STAP1: variants seen among roughly 807,000 people sequenced by gnomAD.
STAP1 encodes the protein signal-transducing adaptor protein 1.
In STAP1, 30 loss-of-function variants were observed where a neutral mutation model predicts 37.8. That is an observed-to-expected ratio of 0.79 (90% confidence interval 0.59 to 1.08). STAP1 has a LOEUF of 1.08. Ranked by LOEUF, STAP1 falls within the 50% of genes least tolerant of loss-of-function variation. The pLI, the probability that STAP1 is intolerant of heterozygous loss-of-function variation, is 0.00. For synonymous variants in STAP1, 130 were observed against 116.0 expected, an observed-to-expected ratio of 1.12 and a Z score of -0.78; for missense variants, 357 against 349.4, an observed-to-expected ratio of 1.02 and a Z score of -0.17.
chr4:67,590,917 C>T lies in STAP1; in HGVS notation c.693C>T (p.Ser231=), dbSNP rs202213204. The T allele has an allele frequency of 1.3e-4, 207 of 1,612,388 alleles. No individual in the cohort carries two copies. Among genetic ancestry groups the T allele is most frequent in the Non-Finnish European group, 1.5e-4 (180 of 1,179,350 alleles). ...IPRIKHYKVM[S]VGQNYTIELE... ...GAATCAAGCACTACAAAGTGATGAG[C>T]GTAGGACAAAACTACACTATTGAAC... is the stretch of plus-strand genomic sequence containing the variant. Residue 231 remains serine (S), a synonymous_variant, in exon 7 of 9, where the codon AGC becomes AGT. Transcript: ENST00000265404.
At chr4:67,577,676 G>A (rs1727757868) in intron 4 of STAP1, among the ~76,000 whole-genome samples, 2 of 134,316 alleles carry the variant, frequency 1.5e-5, no homozygotes, top group South Asian at 4.7e-4. Flanking sequence ...TTGAGATGAG[G>A]TCTCACTATG....
At chr4:67,575,178 A>G (rs923126781) in intron 2 of STAP1, among the ~76,000 whole-genome samples, 1 of 152,234 alleles carries the variant, frequency 6.6e-6, no homozygotes, top group African/African-American at 2.4e-5. Context: ...TGAAAATTTA[A>G]CAATTGGCTT....
chr4:67,581,587 A>T, intron 5 of STAP1, 116 bp downstream of exon 5: 1 of 1,106,178 alleles, frequency 9.0e-7, no homozygotes, highest in Non-Finnish European at 1.3e-6. Flanking sequence ...AGTCTTGGGG[A>T]TAAACTGTAT....
intron 2 of STAP1, among the ~76,000 whole-genome samples, chr4:67,573,521 G>C (rs1174571261): frequency 6.6e-6 from 1 of 152,128 alleles, no homozygotes; most frequent in African/African-American, 2.4e-5. Flanking sequence ...AAAACTCACT[G>C]AGCTTGATCT....
chr4:67,582,523 G>T (rs1727886887), intron 5 of STAP1, among the ~76,000 whole-genome samples: 1 of 151,856 alleles, frequency 6.6e-6, no homozygotes, highest in African/African-American at 2.4e-5. Flanking sequence ...GCCCAGGCTG[G>T]TCTTGAACTC....
intron 6 of STAP1, among the ~76,000 whole-genome samples, chr4:67,590,391 G>T (rs1206737762): frequency 6.6e-6 from 1 of 152,136 alleles, no homozygotes; most frequent in African/African-American, 2.4e-5. Flanking sequence ...ATCCAGGGTG[G>T]TATATGAGCT....
intron 5 of STAP1, among the ~76,000 whole-genome samples, chr4:67,582,628 T>A (rs1386097643): frequency 9.7e-6 from 1 of 103,280 alleles, no homozygotes; most frequent in Non-Finnish European, 2.4e-5. Context: ...TTTTTTCTAT[T>A]AGTTTTTTTT....
At chr4:67,602,692 C>T (rs1442923475) in intron 8 of STAP1, among the ~76,000 whole-genome samples, 3 of 152,098 alleles carry the variant, frequency 2.0e-5, no homozygotes, top group East Asian at 1.9e-4. Context: ...CCCTTACTTT[C>T]CCCCCAACAA....
Position 67,606,412 on chromosome 4 carries a change from A to G in STAP1, c.*55A>G. 6.7e-7 allele frequency: 1 copy of G among 1,499,262 alleles called. No individual in the cohort carries two copies. Among genetic ancestry groups the G allele is most frequent in the Non-Finnish European group, 9.1e-7 (1 of 1,100,368 alleles). The allele number at this position is 1,499,262 out of a possible 1,614,324, so 92.9% of individuals were successfully genotyped here. A position where few individuals can be genotyped will look rare whatever the true frequency, so the allele number is the denominator to read the frequency against. ...TTGGTAATTTATATTTTCAAAACGA[A>G]GTTCTTACTTTTAAAGAGAATTACC... On this transcript the variant is annotated 3_prime_UTR_variant, in exon 9 of 9. Transcript: ENST00000265404.
intron 2 of STAP1, among the ~76,000 whole-genome samples, chr4:67,572,326 GTT>G (rs1220806823): frequency 7.9e-5 from 12 of 152,208 alleles, no homozygotes; most frequent in African/African-American, 2.7e-4. Flanking sequence ...GAATCCTGAG[GTT>G]AAAACAGTGT....
At chr4:67,563,052 A>G (rs1011604369) in intron 1 of STAP1, among the ~76,000 whole-genome samples, 6 of 152,198 alleles carry the variant, frequency 3.9e-5, no homozygotes, top group Admixed American at 3.3e-4. Flanking sequence ...TATTGGGGAC[A>G]GAGGAAGAGA....
At chr4:67,577,652 T>TC (rs1553901357) in intron 4 of STAP1, among the ~76,000 whole-genome samples, 2,770 of 56,522 alleles carry the variant, frequency 0.049, 49 homozygotes, top group Admixed American at 0.075. Context: ...TCTTTCTTTC[T>TC]TTTTTTTTTT....
chr4:67,600,242 T>C lies in STAP1; in HGVS notation c.827-6054T>C, dbSNP rs371020928. ...TCAAGAAATTTTTAAATTTCCTTTT[T>C]AGTTTATTCATTGACCCACTGGTCA... On this transcript the variant is annotated intron_variant, in intron 8 of 8. Transcript: ENST00000265404. Among the ~76,000 whole-genome samples the C allele has an allele frequency of 2.1e-4, 32 of 152,340 alleles. No individual in the cohort carries two copies. The East Asian group carries it at 5.8e-3, about 28-fold the overall frequency.
intron 6 of STAP1, among the ~76,000 whole-genome samples, chr4:67,584,510 C>A (rs550740606): frequency 6.6e-6 from 1 of 152,144 alleles, no homozygotes; most frequent in African/African-American, 2.4e-5. Flanking sequence ...GAGATGGGAA[C>A]CCTCAGAGGT....
intron 2 of STAP1, among the ~76,000 whole-genome samples, chr4:67,572,782 T>G (rs1358763762): frequency 1.3e-5 from 2 of 152,206 alleles, no homozygotes; most frequent in South Asian, 4.1e-4. Context: ...ATTGCCTAAT[T>G]TAAGTCTCAC....
chr4:67,591,036 T>G, intron 7 of STAP1, 83 bp downstream of exon 7: 1 of 974,588 alleles, frequency 1.0e-6, no homozygotes, highest in South Asian at 1.5e-5. Flanking sequence ...GCAGCCAAGT[T>G]AAGGAGCCCT....
chr4:67,601,712 G>A (rs1325765544), intron 8 of STAP1, among the ~76,000 whole-genome samples: 2 of 152,132 alleles, frequency 1.3e-5, no homozygotes, highest in African/African-American at 4.8e-5. Context: ...AAGTCTGCTG[G>A]CAAATGTATT....
intron 4 of STAP1, among the ~76,000 whole-genome samples, chr4:67,579,546 T>C (rs1249873731): frequency 1.3e-5 from 2 of 152,140 alleles, no homozygotes; most frequent in Non-Finnish European, 2.9e-5. Context: ...ACAGGAAGCA[T>C]GGTGCCAGCA....
chr4:67,558,801 G>A lies in STAP1; in HGVS notation c.-9G>A, dbSNP rs1727268044. 6.2e-7 allele frequency: 1 copy of A among 1,607,944 alleles called. No homozygotes were observed. The highest frequency in any genetic ancestry group is 8.5e-7 in the Non-Finnish European group (1 of 1,178,132). ...ACGAGAAACCAAACCACACACCAAA[G>A]AGAGGGGTATGATGGCTAAGAAGCC... On this transcript the variant is annotated 5_prime_UTR_variant, in exon 1 of 9. Coordinates refer to ENST00000265404, the MANE Select transcript of STAP1 (RefSeq NM_012108.4).
Sources: gnomAD v4.1 joint callset for allele counts (sites outside exome capture counted in the v4.1 genomes callset) on GRCh38, gnomAD v4.1.1 for gene constraint, MANE v1.5 for transcripts, NCBI Gene and HGNC (gene_info 2026-07-23, HGNC 2026-07-21) for gene names.